SVIP: variants seen among roughly 807,000 people sequenced by gnomAD.
The protein encoded by SVIP is small VCP interacting protein.
SVIP carries 14 observed loss-of-function variants against 12.9 expected under a neutral mutation model. The observed-to-expected ratio is 1.08, with a 90% CI of 0.72 to 1.70. The LOEUF is 1.70. SVIP is among the 40% of genes most tolerant of loss of function. The probability of loss-of-function intolerance (pLI) is 0.00; values close to 1 mark genes in which losing one functional copy is unlikely to be tolerated. For synonymous variants in SVIP, 35 were observed against 33.3 expected, an observed-to-expected ratio of 1.05 and a Z score of -0.17; for missense variants, 93 against 90.8, an observed-to-expected ratio of 1.02 and a Z score of -0.10.
At position 22,819,917 on chromosome 11, in the gene SVIP, T is replaced by C. The variant is rs191743756; in HGVS notation, c.*3202A>G. Reference sequence around the variant, plus strand: ...AAGTCAATATTTGCAAGATGAAGCATAACTAGAAGAGGGAGACTAGAACAA... The same window carrying C: ...AAGTCAATATTTGCAAGATGAAGCACAACTAGAAGAGGGAGACTAGAACAA... On this transcript the variant is annotated 3_prime_UTR_variant, in exon 4 of 4. Transcript: ENST00000354193. 6.6e-5 allele frequency: 10 copies of C among 152,316 alleles called. No individual in the cohort carries two copies. Among genetic ancestry groups the C allele is most frequent in the Admixed American group, 5.9e-4 (9 of 15,308 alleles). 9.4% of individuals were successfully genotyped at this position (152,316 alleles called of 1,614,324 possible).
At position 22,822,374 on chromosome 11, in the gene SVIP, T is replaced by A. The variant is rs1857518478; in HGVS notation, c.*745A>T. ...CATTATAACCCATCCAGATTATTAGTTTAACTCATTCAATTACTACAAAGA... is the reference window on the plus strand; with the variant it reads ...CATTATAACCCATCCAGATTATTAGATTAACTCATTCAATTACTACAAAGA... On this transcript the variant is annotated 3_prime_UTR_variant, in exon 4 of 4. Transcript: ENST00000354193. 1 of 152,142 alleles carries A rather than the reference T, an allele frequency of 6.6e-6. No homozygotes were observed. Among genetic ancestry groups the A allele is most frequent in the Non-Finnish European group, 1.5e-5 (1 of 67,988 alleles). The allele number at this position is 152,142 out of a possible 1,614,324, so 9.4% of individuals were successfully genotyped here.
In SVIP at chr11:22,829,797, G is replaced by T; in HGVS notation, c.-49C>A. On this transcript the variant is annotated 5_prime_UTR_variant, in exon 1 of 4. Coordinates refer to ENST00000354193, the MANE Select transcript of SVIP (RefSeq NM_148893.3). ...GACCGGGTCCGGCCCAGGCCAGGCG[G>T]CGCTAACTGCGCGGTCCGGAGCCGG... The T allele has an allele frequency of 6.5e-7, 1 of 1,531,514 alleles. No homozygotes were observed. The highest frequency in any genetic ancestry group is 8.9e-7 in the Non-Finnish European group (1 of 1,127,436). The allele number at this position is 1,531,514 out of a possible 1,614,324, so 94.9% of individuals were successfully genotyped here.
chr11:22,827,941 A>T, intron 1 of SVIP, 67 bp from the exon 2 acceptor site: 2 of 1,234,718 alleles, frequency 1.6e-6, no homozygotes, highest in South Asian at 3.2e-5. Context: ...ATTCACATTT[A>T]TTTCATAGGC....
In SVIP at chr11:22,829,722, C is replaced by G. The variant is rs541574853; in HGVS notation, c.27G>C (p.Gly9=). ...GGTCCGGCGTGGGAGGCGCGGACTC[C>G]CCGGGACAAGGAAAACACAGCCCCA... The part of the protein sequence containing the change: MGLCFPCP[G]ESAPPTPDLE... Residue 9 remains glycine, a synonymous_variant, in exon 1 of 4, where the codon GGG becomes GGC. Transcript: ENST00000354193. 14 of 1,607,250 alleles carry G rather than the reference C, an allele frequency of 8.7e-6. No individual in the cohort carries two copies. The highest frequency in any genetic ancestry group is 3.3e-4 in the Middle Eastern group (2 of 6,050).
intron 2 of SVIP, 28 bp from the exon 3 acceptor site, chr11:22,827,348 A>G: frequency 6.4e-7 from 1 of 1,562,956 alleles, no homozygotes; most frequent in East Asian, 2.3e-5. Flanking sequence ...AGAAAAACAG[A>G]AAGACAACAA....
chr11:22,826,729 C>T (rs1857719847), intron 3 of SVIP, among the ~76,000 whole-genome samples: 1 of 152,020 alleles, frequency 6.6e-6, no homozygotes, highest in Admixed American at 6.6e-5. Context: ...TTAACATTTA[C>T]ATAACTATAA....
intron 3 of SVIP, among the ~76,000 whole-genome samples, chr11:22,826,160 A>G (rs143106393): frequency 6.6e-6 from 1 of 152,316 alleles, no homozygotes; most frequent in Non-Finnish European, 1.5e-5. Flanking sequence ...AACTTCATAA[A>G]TTTTCATTCG....
chr11:22,825,106 C>T (rs191003219), intron 3 of SVIP, among the ~76,000 whole-genome samples: 135 of 152,000 alleles, frequency 8.9e-4, no homozygotes, highest in Non-Finnish European at 6.8e-4. Flanking sequence ...ACAGGGAATG[C>T]AAACTAGACT....
chr11:22,819,237 A>G lies in SVIP; in HGVS notation c.*3882T>C, dbSNP rs983688107. ...TAATGTAACTATGTCTAAGAAATAT[A>G]GACAGAGAAAAGGGCATTTTAGGAG... On this transcript the variant is annotated 3_prime_UTR_variant, in exon 4 of 4. Transcript: ENST00000354193. 6.6e-6 allele frequency: 1 copy of G among 152,200 alleles called. No homozygotes were observed. Among genetic ancestry groups the G allele is most frequent in the African/African-American group, 2.4e-5 (1 of 41,450 alleles). 9.4% of individuals were successfully genotyped at this position (152,200 alleles called of 1,614,324 possible).
chr11:22,829,801 T>A lies in SVIP; in HGVS notation c.-53A>T, dbSNP rs1857895505. ...GGGTCCGGCCCAGGCCAGGCGGCGC[T>A]AACTGCGCGGTCCGGAGCCGGTCCC... On this transcript the variant is annotated 5_prime_UTR_variant, in exon 1 of 4. Transcript: ENST00000354193. 1.3e-6 allele frequency: 2 copies of A among 1,527,600 alleles called. No individual in the cohort carries two copies. The highest frequency in any genetic ancestry group is 1.9e-5 in the Admixed American group (1 of 52,308). The allele number at this position is 1,527,600 out of a possible 1,614,324, so 94.6% of individuals were successfully genotyped here.
rs934572010 is a variant in SVIP, at chr11:22,823,054, G to A, written c.*65C>T. 3.7e-6 allele frequency: 5 copies of A among 1,362,090 alleles called. No homozygotes were observed. The African/African-American group carries it at 5.9e-5, about 16-fold the overall frequency. The allele number at this position is 1,362,090 out of a possible 1,614,324, so 84.4% of individuals were successfully genotyped here. ...CTCAAAGAGAAGAAATTAAATTGAT[G>A]AAGCCCACTTGATTGCAGATAATAA... is the stretch of plus-strand genomic sequence containing the variant. On this transcript the variant is annotated 3_prime_UTR_variant, in exon 4 of 4. Transcript: ENST00000354193.
intron 1 of SVIP, 127 bp downstream of exon 1, chr11:22,829,568 T>G: frequency 2.0e-6 from 2 of 980,014 alleles, no homozygotes; most frequent in Non-Finnish European, 3.0e-6. Flanking sequence ...CCACCCGTCC[T>G]CGCTAGCAGG....
At chr11:22,829,631 C>T (rs1857877187) in intron 1 of SVIP, 64 bp downstream of exon 1, 12 of 1,504,570 alleles carry the variant, frequency 8.0e-6, no homozygotes, top group South Asian at 2.4e-5. Context: ...CTCGGCCCGC[C>T]CCGCAACCCG....
chr11:22,829,588 C>G (rs1026136930), intron 1 of SVIP, 107 bp downstream of exon 1: 2 of 1,180,342 alleles, frequency 1.7e-6, no homozygotes, highest in East Asian at 5.5e-5. Flanking sequence ...GGTCCCCCAG[C>G]GGGCTCTCGA....
At chr11:22,825,566 A>G (rs1410496631) in intron 3 of SVIP, among the ~76,000 whole-genome samples, 1 of 152,198 alleles carries the variant, frequency 6.6e-6, no homozygotes, top group Admixed American at 6.5e-5. Context: ...TTACAAGAAC[A>G]GTACACAAAG....
intron 3 of SVIP, among the ~76,000 whole-genome samples, chr11:22,824,433 TATACACACACACATATATATATATATAC>T (rs1253198402): frequency 6.8e-4 from 83 of 121,954 alleles, no homozygotes; most frequent in African/African-American, 2.3e-3. Context: ...TATATATATA[TATACACACACACATATATATATATATAC>T]ACATATATAT....
In SVIP at chr11:22,827,190, A is replaced by C. The variant is rs746754820; in HGVS notation, c.219+17T>G. On this transcript the variant is annotated intron_variant, in intron 3 of 3. Coordinates refer to ENST00000354193, the MANE Select transcript of SVIP (RefSeq NM_148893.3). ...AATGCCAGTTAAGTTAATCACTAAG[A>C]AAATTTTAATACTTACCCTAAGTCC... 2 of 1,587,706 alleles carry C rather than the reference A, an allele frequency of 1.3e-6. No homozygotes were observed. Among genetic ancestry groups the C allele is most frequent in the Non-Finnish European group, 1.7e-6 (2 of 1,159,770 alleles).
At position 22,827,381 on chromosome 11, in the gene SVIP, A is replaced by AT. The variant is rs1857754588; in HGVS notation, c.106-62dup. The AT allele has an allele frequency of 2.9e-6, 4 of 1,386,510 alleles. No individual in the cohort carries two copies. The East Asian group carries it at 9.7e-5, about 34-fold the overall frequency. The allele number at this position is 1,386,510 out of a possible 1,614,324, so 85.9% of individuals were successfully genotyped here. ...CAAAAATCTGTCCAGTGTGCAAAACATTTTTTTGTCTATCTTTGCTTTCTA... is the reference window on the plus strand; with the variant it reads ...CAAAAATCTGTCCAGTGTGCAAAACATTTTTTTTGTCTATCTTTGCTTTCTA... On this transcript the variant is annotated intron_variant, in intron 2 of 3. Transcript: ENST00000354193.
At chr11:22,824,405 G>A (rs997168266) in intron 3 of SVIP, among the ~76,000 whole-genome samples, 5 of 145,838 alleles carry the variant, frequency 3.4e-5, no homozygotes, top group East Asian at 2.0e-4. Context: ...TACATCCAAG[G>A]AATATTATTG....
Sources: allele counts gnomAD v4.1 joint callset (sites outside exome capture counted in the v4.1 genomes callset), GRCh38; gene constraint gnomAD v4.1.1; transcripts MANE v1.5; gene names NCBI Gene and HGNC (gene_info 2026-07-23, HGNC 2026-07-21).